ZDHHC2: variants seen among roughly 807,000 people sequenced by gnomAD.
ZDHHC2 encodes the protein zDHHC palmitoyltransferase 2.
ZDHHC2 carries 51 observed loss-of-function variants against 55.6 expected under a neutral mutation model. The observed-to-expected ratio is 0.92, with a 90% CI of 0.73 to 1.16. The LOEUF (loss-of-function observed/expected upper bound fraction) is 1.16. Ranked by LOEUF, ZDHHC2 falls within the 50% of genes most tolerant of loss-of-function variation. The pLI, the probability that ZDHHC2 is intolerant of heterozygous loss-of-function variation, is 0.00. For synonymous variants in ZDHHC2, 199 were observed against 152.9 expected (o/e 1.30, Z -2.22); for missense variants, 491 against 442.4 (o/e 1.11, Z -0.99).
intron 1 of ZDHHC2, among the ~76,000 whole-genome samples, chr8:17,172,515 TC>T (rs1355221879): frequency 2.0e-5 from 3 of 152,186 alleles, no homozygotes; most frequent in African/African-American, 7.2e-5. Context: ...CGGCTCTACA[TC>T]CACGTGCCTA....
intron 1 of ZDHHC2, among the ~76,000 whole-genome samples, 155 bp downstream of exon 1, chr8:17,157,008 C>T (rs1309208223): frequency 1.3e-5 from 2 of 152,098 alleles, no homozygotes; most frequent in Non-Finnish European, 2.9e-5. Context: ...AAAGCAGCCT[C>T]GGGGCAGCTT....
At chr8:17,211,109 C>G (rs111786552) in intron 10 of ZDHHC2, among the ~76,000 whole-genome samples, 1,829 of 152,266 alleles carry the variant, frequency 0.012, 17 homozygotes, top group Non-Finnish European at 0.021. Flanking sequence ...AAAGACCTGA[C>G]ATTTCATTCT....
At chr8:17,177,747 G>A (rs567448291) in intron 1 of ZDHHC2, among the ~76,000 whole-genome samples, 132 of 132,016 alleles carry the variant, frequency 1.0e-3, no homozygotes, top group Admixed American at 7.1e-3. Context: ...TCTGTTTTGG[G>A]GTGTTTGTGT....
rs562181216 is a variant in ZDHHC2, at chr8:17,168,200, G to C, written c.130+11347G>C. Among the ~76,000 whole-genome samples, 3 of 152,194 alleles carry C rather than the reference G, an allele frequency of 2.0e-5. No homozygotes were observed. The East Asian group carries it at 5.8e-4, about 29-fold the overall frequency. ...AAAGGTCAAGGAAGACCGGAATTTT[G>C]GCTCGGCATTCTTTTGAATCTCAAG... On this transcript the variant is annotated intron_variant, in intron 1 of 12. Transcript: ENST00000262096.
chr8:17,188,371 C>CAAT (rs79508086), intron 3 of ZDHHC2, among the ~76,000 whole-genome samples: 64,414 of 151,792 alleles, frequency 0.42, 16,077 homozygotes, highest in Non-Finnish European at 0.58. Flanking sequence ...TTCTGCCTAG[C>CAAT]AATAGCAGCT....
At chr8:17,163,650 C>T (rs1453642875) in intron 1 of ZDHHC2, among the ~76,000 whole-genome samples, 4 of 152,104 alleles carry the variant, frequency 2.6e-5, no homozygotes, top group African/African-American at 4.8e-5. Context: ...CTTCTCTTCT[C>T]CAGGAAGTGG....
intron 1 of ZDHHC2, among the ~76,000 whole-genome samples, chr8:17,172,382 A>G (rs1330555846): frequency 6.6e-6 from 1 of 152,232 alleles, no homozygotes; most frequent in Non-Finnish European, 1.5e-5. Context: ...TACAATAGTC[A>G]GCTAAAGGAA....
At chr8:17,193,169 C>T (rs1013743270) in intron 3 of ZDHHC2, among the ~76,000 whole-genome samples, 44 of 152,288 alleles carry the variant, frequency 2.9e-4, no homozygotes, top group African/African-American at 1.0e-3. Context: ...ATTCCATATA[C>T]ATTTTAGTAT....
At chr8:17,211,808 C>T (rs1192099011) in intron 10 of ZDHHC2, among the ~76,000 whole-genome samples, 1 of 151,958 alleles carries the variant, frequency 6.6e-6, no homozygotes, top group African/African-American at 2.4e-5. Flanking sequence ...CTAGATCATG[C>T]CTTGTGCATT....
chr8:17,218,728 C>T (rs539522071), intron 12 of ZDHHC2, among the ~76,000 whole-genome samples: 7 of 152,198 alleles, frequency 4.6e-5, no homozygotes, highest in East Asian at 3.9e-4. Flanking sequence ...CATGAATCAG[C>T]GCTATAGATC....
chr8:17,224,443 G>A lies in ZDHHC2; in HGVS notation c.*4222G>A, dbSNP rs1193014390. 2 of 151,464 alleles carry A rather than the reference G, an allele frequency of 1.3e-5. No homozygotes were observed. The highest frequency in any genetic ancestry group is 3.0e-5 in the Non-Finnish European group (2 of 67,598). 9.4% of individuals were successfully genotyped at this position (151,464 alleles called of 1,614,324 possible). ...TTATGGCTAGTTCCCTTTTGCTCAGGAAAAATAGTACTACTTTATGGTTTA... is the reference window on the plus strand; with the variant it reads ...TTATGGCTAGTTCCCTTTTGCTCAGAAAAAATAGTACTACTTTATGGTTTA... On this transcript the variant is annotated 3_prime_UTR_variant, in exon 13 of 13. Coordinates refer to ENST00000262096, the MANE Select transcript of ZDHHC2 (RefSeq NM_016353.5).
intron 10 of ZDHHC2, among the ~76,000 whole-genome samples, 190 bp downstream of exon 10, chr8:17,210,670 A>G (rs555875814): frequency 2.0e-4 from 31 of 152,308 alleles, no homozygotes; most frequent in Admixed American, 8.5e-4. Flanking sequence ...TACTTGTAAA[A>G]TGGTGTTATT....
chr8:17,183,988 G>A (rs1469953089), intron 1 of ZDHHC2, among the ~76,000 whole-genome samples: 10 of 152,114 alleles, frequency 6.6e-5, no homozygotes, highest in African/African-American at 1.7e-4. Flanking sequence ...CTGAGGTCCC[G>A]TGCCCTTTTG....
chr8:17,180,742 G>A (rs927348886), intron 1 of ZDHHC2, among the ~76,000 whole-genome samples: 3 of 152,242 alleles, frequency 2.0e-5, no homozygotes, highest in African/African-American at 7.2e-5. Flanking sequence ...GCAAGTGGCA[G>A]AGGCAGGATT....
chr8:17,211,201 C>T (rs1033925584), intron 10 of ZDHHC2, among the ~76,000 whole-genome samples: 1 of 152,092 alleles, frequency 6.6e-6, no homozygotes, highest in African/African-American at 2.4e-5. Context: ...TTTGAAACAC[C>T]AGTTTTTATA....
intron 1 of ZDHHC2, among the ~76,000 whole-genome samples, chr8:17,161,713 G>T (rs572168941): frequency 5.9e-4 from 90 of 152,078 alleles, no homozygotes; most frequent in South Asian, 2.5e-3. Context: ...ACAAATATTA[G>T]CCAGGTGTGG....
Position 17,210,481 on chromosome 8 carries a change from G to T in ZDHHC2, c.950+1G>T. 1 of 1,600,222 alleles carries T rather than the reference G, an allele frequency of 6.2e-7. No homozygotes were observed. Among genetic ancestry groups the T allele is most frequent in the Non-Finnish European group, 8.5e-7 (1 of 1,174,568 alleles). On this transcript the variant is annotated splice_donor_variant, in intron 10 of 12. Transcript: ENST00000262096. LOFTEE classifies it high-confidence loss of function. Reference sequence around the variant, plus strand: ...CAGGGCTGAATTCCACAGCTAAAAAGTAATCTCATATTTTTTTTCATTTTA... The same window carrying T: ...CAGGGCTGAATTCCACAGCTAAAAATTAATCTCATATTTTTTTTCATTTTA...
chr8:17,159,836 A>G (rs1331768957), intron 1 of ZDHHC2, among the ~76,000 whole-genome samples: 1 of 152,020 alleles, frequency 6.6e-6, no homozygotes, highest in Non-Finnish European at 1.5e-5. Flanking sequence ...TTCTATTTGT[A>G]TTCCTCCCCC....
chr8:17,200,937 T>TTAGGA, intron 6 of ZDHHC2, among the ~76,000 whole-genome samples: 1 of 152,220 alleles, frequency 6.6e-6, no homozygotes, highest in Non-Finnish European at 1.5e-5. Flanking sequence ...TCCACCACTG[T>TTAGGA]CCTAGCTCTG....
Sources: gnomAD v4.1 joint callset for allele counts (sites outside exome capture counted in the v4.1 genomes callset) on GRCh38, gnomAD v4.1.1 for gene constraint, MANE v1.5 for transcripts, NCBI Gene and HGNC (gene_info 2026-07-23, HGNC 2026-07-21) for gene names.